The following IARS1 variants were observed in gnomAD, a reference collection of about 807,000 sequenced individuals.
IARS1 encodes isoleucine--tRNA ligase, cytoplasmic.
In IARS1, 124 loss-of-function variants were observed where a neutral mutation model predicts 168.2. That is an observed-to-expected ratio of 0.74 (90% CI 0.64 to 0.86). IARS1 has a LOEUF of 0.86. Among genes scored for constraint, IARS1 ranks in the 40% least tolerant of loss-of-function variants. The probability of loss-of-function intolerance (pLI) is 0.00; values close to 1 mark genes in which losing one functional copy is unlikely to be tolerated. For synonymous variants in IARS1, 532 were observed against 529.4 expected (o/e 1.00, Z -0.07); for missense variants, 1,452 against 1,515.8 (o/e 0.96, Z 0.70).
chr9:92,228,617 G>GGCAGGAGGATTACTTGAGC (rs1826134610), intron 31 of IARS1, among the ~76,000 whole-genome samples: 1 of 152,178 alleles, frequency 6.6e-6, no homozygotes, highest in Admixed American at 6.5e-5. Flanking sequence ...GGGAGGTCAA[G>GGCAGGAGGATTACTTGAGC]GCAGGAGGAT....
intron 30 of IARS1, among the ~76,000 whole-genome samples, chr9:92,230,102 A>C (rs868452961): frequency 3.3e-5 from 5 of 151,746 alleles, no homozygotes; most frequent in East Asian, 1.9e-4. Context: ...ATTTGGCAAC[A>C]ATTTCTTTTC....
chr9:92,222,340 C>CAAAAAAAAAAAAAAAA (rs60335070), intron 33 of IARS1, among the ~76,000 whole-genome samples, 180 bp downstream of exon 33: 1 of 55,372 alleles, frequency 1.8e-5, no homozygotes, highest in Non-Finnish European at 3.2e-5. Flanking sequence ...GACTCAGTCT[C>CAAAAAAAAAAAAAAAA]AAAAAAAAAA....
chr9:92,240,623 G>T (rs1205671086), intron 30 of IARS1: 1 of 711,266 alleles, frequency 1.4e-6, no homozygotes, highest in Non-Finnish European at 2.6e-6. Context: ...TGAACTCTTG[G>T]CCTCAAGCAA....
At chr9:92,231,538 C>T (rs1452261858) in intron 30 of IARS1, among the ~76,000 whole-genome samples, 2 of 149,792 alleles carry the variant, frequency 1.3e-5, no homozygotes, top group East Asian at 1.9e-4. Flanking sequence ...TTCAGCCTCT[C>T]GAGTAGCTGG....
chr9:92,265,162 G>A, intron 15 of IARS1, 39 bp from the exon 16 acceptor site: 2 of 1,539,700 alleles, frequency 1.3e-6, no homozygotes. Flanking sequence ...TTAACTGTAA[G>A]CATAACAGAA....
In IARS1 at chr9:92,240,964, G is replaced by A. The variant is rs1293169378; in HGVS notation, c.3178-3C>T. 6.4e-7 allele frequency: 1 copy of A among 1,572,148 alleles called. No homozygotes were observed. Among genetic ancestry groups the A allele is most frequent in the Non-Finnish European group, 8.8e-7 (1 of 1,142,392 alleles). ...ATTTCCAGTTCAGATCCCTTCAACT[G>A]AGCACATGAGAACGTATGACTGAGT... On this transcript the variant is annotated splice_polypyrimidine_tract_variant and splice_region_variant and intron_variant, in intron 29 of 33. Coordinates refer to ENST00000443024, the MANE Select transcript of IARS1 (RefSeq NM_002161.6).
At position 92,256,656 on chromosome 9, in the gene IARS1, G is replaced by A. The variant is rs762739349; in HGVS notation, c.2137+24C>T. The stretch of plus-strand genomic sequence containing the variant: ...CAAAGAGAATAGTCCTTATTCCTGG[G>A]AGGACAGACCAAGAGAGACTCACCT... On this transcript the variant is annotated intron_variant, in intron 20 of 33. Transcript: ENST00000443024. 80 of 1,606,096 alleles carry A rather than the reference G, an allele frequency of 5.0e-5. 1 individual carries two copies. In the Middle Eastern group the frequency reaches 6.6e-4, roughly 13 times the overall value.
intron 30 of IARS1, among the ~76,000 whole-genome samples, chr9:92,233,935 A>G (rs1187467389): frequency 6.6e-6 from 1 of 151,848 alleles, no homozygotes; most frequent in Non-Finnish European, 1.5e-5. Flanking sequence ...CTAGTTTTTT[A>G]TTTCTTGTAG....
At chr9:92,217,005 T>C (rs1237435043) in intron 33 of IARS1, among the ~76,000 whole-genome samples, 4 of 150,234 alleles carry the variant, frequency 2.7e-5, no homozygotes, top group Admixed American at 6.7e-5. Flanking sequence ...TATTCCAAAA[T>C]TGACCACATA....
rs541389299 is a variant in IARS1 at position 92,265,212 on chromosome 9, C to A, written c.1506-89G>T. On this transcript the variant is annotated intron_variant, in intron 15 of 33. Coordinates refer to ENST00000443024, the MANE Select transcript of IARS1 (RefSeq NM_002161.6). ...GCTAATAGGAAACACAAAACCCTGA[C>A]AAGATATTATACACATTTGCAAACA... is the stretch of plus-strand genomic sequence containing the variant. 5.2e-6 allele frequency: 6 copies of A among 1,148,340 alleles called. No individual in the cohort carries two copies. The African/African-American group carries it at 9.4e-5, about 18-fold the overall frequency. The allele number at this position is 1,148,340 out of a possible 1,614,324, so 71.1% of individuals were successfully genotyped here. A position where few individuals can be genotyped will look rare whatever the true frequency, so the allele number is the denominator to read the frequency against.
chr9:92,255,419 C>A (rs1474244940), intron 20 of IARS1, among the ~76,000 whole-genome samples: 2 of 152,196 alleles, frequency 1.3e-5, no homozygotes, highest in Non-Finnish European at 2.9e-5. Flanking sequence ...CTTTAACTGA[C>A]TGTCTGAGGT....
intron 16 of IARS1, among the ~76,000 whole-genome samples, chr9:92,263,522 A>G (rs1487388356): frequency 6.6e-6 from 1 of 152,236 alleles, no homozygotes; most frequent in East Asian, 1.9e-4. Flanking sequence ...TTTATGTGCT[A>G]CCTAGCTTGT....
chr9:92,259,830 T>C (rs1181078229), intron 18 of IARS1, among the ~76,000 whole-genome samples: 1 of 152,142 alleles, frequency 6.6e-6, no homozygotes, highest in Non-Finnish European at 1.5e-5. Context: ...AGAATTCTAA[T>C]ACCAACAAGA....
In IARS1 at chr9:92,256,679, C is replaced by T. The variant is rs1379060618; in HGVS notation, c.2137+1G>A. On this transcript the variant is annotated splice_donor_variant, in intron 20 of 33. Transcript: ENST00000443024. LOFTEE classifies it high-confidence loss of function. ...GGGAGGACAGACCAAGAGAGACTCA[C>T]CTGCCATTTCAGTCTCAAAGAAGCC... is the stretch of plus-strand genomic sequence containing the variant. 1 of 1,613,304 alleles carries T rather than the reference C, an allele frequency of 6.2e-7. No individual in the cohort carries two copies. The highest frequency in any genetic ancestry group is 8.5e-7 in the Non-Finnish European group (1 of 1,179,522).
At chr9:92,229,648 G>A (rs1260775483) in intron 30 of IARS1, among the ~76,000 whole-genome samples, 1 of 152,028 alleles carries the variant, frequency 6.6e-6, no homozygotes, top group Non-Finnish European at 1.5e-5. Context: ...TAATATATTT[G>A]AACATTTTGA....
intron 22 of IARS1, 110 bp from the exon 23 acceptor site, chr9:92,250,944 C>G: frequency 1.7e-6 from 2 of 1,180,920 alleles, no homozygotes; most frequent in Non-Finnish European, 2.4e-6. Context: ...GTAATAGGCA[C>G]CAAAATGAGC....
intron 20 of IARS1, among the ~76,000 whole-genome samples, chr9:92,254,531 T>TGA (rs1830455339): frequency 1.3e-5 from 2 of 152,236 alleles, no homozygotes; most frequent in South Asian, 4.1e-4. Context: ...GTCAGTGGGC[T>TGA]GAGCCCCAGG....
rs1352796043 is a variant in IARS1, at chr9:92,217,099, A to G, written c.3706+5421T>C. ...TCTCAGACCACAGTGCAATCAAACT[A>G]GAACTCAGGATTAAGAATCTCACTC... On this transcript the variant is annotated intron_variant, in intron 33 of 33. Transcript: ENST00000443024. Among the ~76,000 whole-genome samples the G allele has an allele frequency of 3.8e-3, 570 of 150,110 alleles. 1 individual carries two copies. The highest frequency in any genetic ancestry group is 0.013 in the African/African-American group (532 of 41,198).
At chr9:92,243,456 T>C (rs1038941358) in intron 27 of IARS1, 145 bp from the exon 28 acceptor site, 26 of 565,422 alleles carry the variant, frequency 4.6e-5, no homozygotes, top group Non-Finnish European at 7.7e-5. Flanking sequence ...AAAATTAATC[T>C]AGTTTATCAT....
Sources: gnomAD v4.1 joint callset for allele counts (sites outside exome capture counted in the v4.1 genomes callset) on GRCh38, gnomAD v4.1.1 for gene constraint, MANE v1.5 for transcripts, NCBI Gene and HGNC (gene_info 2026-07-23, HGNC 2026-07-21) for gene names.